Variants in MME observed in about 807,000 individuals in gnomAD.
MME encodes membrane metalloendopeptidase.
Under a neutral mutation model 113.2 loss-of-function variants are expected in MME, and 98 were observed. That is an observed-to-expected ratio of 0.87 (90% CI 0.74 to 1.02). MME has a LOEUF of 1.02. Ranked by LOEUF, MME falls within the 50% of genes least tolerant of loss-of-function variation. MME has a pLI of 0.00. For synonymous variants in MME, 292 were observed against 300.6 expected, an observed-to-expected ratio of 0.97 and a Z score of 0.30; for missense variants, 836 against 896.0, an observed-to-expected ratio of 0.93 and a Z score of 0.86.
chr3:155,129,164 C>G (rs914498566), intron 8 of MME, among the ~76,000 whole-genome samples: 2 of 152,150 alleles, frequency 1.3e-5, no homozygotes, highest in Non-Finnish European at 2.9e-5. Context: ...AGAGGTCTGG[C>G]TTCCTTGCCC....
chr3:155,142,230 T>G lies in MME; in HGVS notation c.1095-7T>G. On this transcript the variant is annotated splice_region_variant and splice_polypyrimidine_tract_variant and intron_variant, in intron 11 of 22. Coordinates refer to ENST00000360490, the MANE Select transcript of MME (RefSeq NM_007289.4). ...TCTGTTGCTGGGCGGTGGTTTTTTT[T>G]ATACAGAGATCTTCAAAATTTAATG... 6.2e-7 allele frequency: 1 copy of G among 1,613,444 alleles called. No homozygotes were observed. Among genetic ancestry groups the G allele is most frequent in the Non-Finnish European group, 8.5e-7 (1 of 1,179,506 alleles).
In MME at chr3:155,052,046, G is replaced by A. The variant is rs140470837; in HGVS notation, c.-11+27722G>A. Among the ~76,000 whole-genome samples, 785 of 152,274 alleles carry A rather than the reference G, an allele frequency of 5.2e-3. 5 individuals are homozygous for A. Among genetic ancestry groups the A allele is most frequent in the East Asian group, 0.015 (80 of 5,172 alleles). ...ATACAAATCTGAAATCAATAGGGCC[G>A]TTATTAAAACTTAATGCTCCAAAAT... is the stretch of plus-strand genomic sequence containing the variant. On this transcript the variant is annotated intron_variant, in intron 1 of 22. Transcript: ENST00000492661.
At chr3:155,043,656 A>G (rs1182236767) in intron 1 of MME, among the ~76,000 whole-genome samples, 1 of 151,740 alleles carries the variant, frequency 6.6e-6, no homozygotes, top group East Asian at 1.9e-4. Context: ...TTCTTCACCC[A>G]TTTGCCACCT....
chr3:155,158,530 C>T (rs191856420), intron 16 of MME: 1 of 152,098 alleles, frequency 6.6e-6, no homozygotes, highest in Admixed American at 6.6e-5. Context: ...AGCTTGGAAT[C>T]GTATCTGAAC....
intron 22 of MME, among the ~76,000 whole-genome samples, chr3:155,174,548 T>C (rs1712332213): frequency 6.6e-6 from 1 of 152,084 alleles, no homozygotes; most frequent in African/African-American, 2.4e-5. Context: ...AAAAAAACTT[T>C]AAAAATTAAT....
At chr3:155,106,907 G>C (rs1248475529) in intron 3 of MME, among the ~76,000 whole-genome samples, 1 of 152,194 alleles carries the variant, frequency 6.6e-6, no homozygotes, top group Non-Finnish European at 1.5e-5. Flanking sequence ...TTCTAGAACA[G>C]TTATAAATCA....
rs548226221 is a variant in MME at position 155,068,859 on chromosome 3, G to A, written c.-10-15299G>A. Among the ~76,000 whole-genome samples, 114 of 152,324 alleles carry A rather than the reference G, an allele frequency of 7.5e-4. 1 individual carries two copies. Among genetic ancestry groups the A allele is most frequent in the African/African-American group, 2.7e-3 (112 of 41,578 alleles). ...TAGTATAATAATCCAGGGAAAATAA[G>A]AGAATAGAATTTCTGCTGCCTAATG... On this transcript the variant is annotated intron_variant, in intron 1 of 22. Transcript: ENST00000492661.
chr3:155,103,105 C>T (rs1050960071), intron 3 of MME, among the ~76,000 whole-genome samples: 4 of 152,188 alleles, frequency 2.6e-5, no homozygotes, highest in African/African-American at 9.7e-5. Context: ...ATACGCTTTA[C>T]CTATAACTCA....
rs199804325 is a variant in MME at position 155,142,326 on chromosome 3, G to A, written c.1184G>A (p.Arg395His). 94 of 1,611,462 alleles carry A rather than the reference G, an allele frequency of 5.8e-5. No individual in the cohort carries two copies. Among genetic ancestry groups the A allele is most frequent in the Non-Finnish European group, 7.3e-5 (86 of 1,177,974 alleles). The change falls in exon 12 of 23, where the codon CGC becomes CAC. Residue 395 changes from arginine to histidine, a missense_variant. Physicochemically the swap from Arg to His is conservative, Grantham distance 29. Coordinates refer to ENST00000360490, the MANE Select transcript of MME (RefSeq NM_007289.4). ...TACAAGGAGTCCAGAAATGCTTTCC[G>A]CAAGGTGAAGAAAAAATCTCTCTTT... The part of the protein sequence containing the change: ...RTYKESRNAF[R>H]KALYGTTSET...
At chr3:155,128,637 G>C (rs574125059) in intron 8 of MME, among the ~76,000 whole-genome samples, 1 of 152,030 alleles carries the variant, frequency 6.6e-6, no homozygotes, top group South Asian at 2.1e-4. Context: ...CTCTAATATA[G>C]TTTTCCTAGC....
rs530625013 is a variant in MME at position 155,168,639 on chromosome 3, A to G, written c.1914+14A>G. ...GGTGGACAGCACGTATGTCATTAGC[A>G]TTCTCTTGAAAAGTTTTAGACATGT... On this transcript the variant is annotated intron_variant, in intron 19 of 22. Transcript: ENST00000360490. The G allele has an allele frequency of 3.7e-6, 6 of 1,613,728 alleles. No homozygotes were observed. In the South Asian group the frequency reaches 6.6e-5, roughly 18 times the overall value.
intron 1 of MME, among the ~76,000 whole-genome samples, chr3:155,061,479 G>A (rs955886884): frequency 1.3e-5 from 2 of 149,748 alleles, no homozygotes; most frequent in Non-Finnish European, 3.0e-5. Flanking sequence ...AAGGTATCAA[G>A]CATTATTCAT....
In MME at chr3:155,115,108, A is replaced by G. The variant is rs1269241695; in HGVS notation, c.311A>G (p.Tyr104Cys). 6 of 1,614,038 alleles carry G rather than the reference A, an allele frequency of 3.7e-6. No homozygotes were observed. Among genetic ancestry groups the G allele is most frequent in the Non-Finnish European group, 5.1e-6 (6 of 1,180,026 alleles). Residue 104 changes from tyrosine to cysteine, a missense_variant, in exon 4 of 23, where the codon TAC becomes TGC. Physicochemically the swap from Tyr to Cys is radical, Grantham distance 194. Coordinates refer to ENST00000360490, the MANE Select transcript of MME (RefSeq NM_007289.4). Reference sequence around the variant, plus strand: ...GTCATTCCCGAGACCAGCTCCCGTTACGGCAACTTTGACATTTTAAGAGAT... The same window carrying G: ...GTCATTCCCGAGACCAGCTCCCGTTGCGGCAACTTTGACATTTTAAGAGAT... ...RNVIPETSSR[Y>C]GNFDILRDEL...
rs1443883770 is a variant in MME, at chr3:155,085,223, A to T, written c.196+129A>T. 5 of 577,446 alleles carry T rather than the reference A, an allele frequency of 8.7e-6. No individual in the cohort carries two copies. The East Asian group carries it at 1.5e-4, about 17-fold the overall frequency. The allele number at this position is 577,446 out of a possible 1,614,324, so 35.8% of individuals were successfully genotyped here. A position where few individuals can be genotyped will look rare whatever the true frequency, so the allele number is the denominator to read the frequency against. On this transcript the variant is annotated intron_variant, in intron 3 of 22. Transcript: ENST00000360490. Reference sequence around the variant, plus strand: ...ATCAATTATTTATGTGTCTGGCTCTATAATCAATGGAAATAAAAATATATT... The same window carrying T: ...ATCAATTATTTATGTGTCTGGCTCTTTAATCAATGGAAATAAAAATATATT...
At chr3:155,098,017 C>A (rs535752905) in intron 3 of MME, among the ~76,000 whole-genome samples, 1 of 152,216 alleles carries the variant, frequency 6.6e-6, no homozygotes, top group East Asian at 1.9e-4. Context: ...GAGTGAGCAA[C>A]ACAATGTCCC....
intron 20 of MME, among the ~76,000 whole-genome samples, chr3:155,170,769 C>T (rs1336370933): frequency 1.3e-5 from 2 of 152,030 alleles, no homozygotes; most frequent in Non-Finnish European, 2.9e-5. Context: ...CTCTCAGCTC[C>T]TTATCCTCAA....
intron 3 of MME, among the ~76,000 whole-genome samples, chr3:155,111,517 C>T (rs1185755908): frequency 6.6e-6 from 1 of 152,208 alleles, no homozygotes; most frequent in Non-Finnish European, 1.5e-5. Flanking sequence ...AGTAATTTAA[C>T]TGTACTTTTT....
intron 1 of MME, among the ~76,000 whole-genome samples, chr3:155,051,793 C>A (rs1330498322): frequency 1.3e-5 from 2 of 152,182 alleles, no homozygotes; most frequent in Non-Finnish European, 2.9e-5. Context: ...TTTCAAAACA[C>A]AATCATGCCT....
chr3:155,124,696 C>A (rs1484614556), intron 8 of MME, among the ~76,000 whole-genome samples: 1 of 151,532 alleles, frequency 6.6e-6, no homozygotes, highest in Non-Finnish European at 1.5e-5. Context: ...TGTCAGTGTG[C>A]CCCTGCTGGG....
Sources: gnomAD v4.1 joint callset for allele counts (sites outside exome capture counted in the v4.1 genomes callset) on GRCh38, gnomAD v4.1.1 for gene constraint, MANE v1.5 for transcripts, NCBI Gene and HGNC (gene_info 2026-07-23, HGNC 2026-07-21) for gene names.